Variants in RNF150 observed in about 807,000 individuals in gnomAD.
RNF150 encodes ring finger protein 150.
A neutral mutation model predicts 39.3 loss-of-function variants in RNF150; 24 were observed. The observed-to-expected ratio is 0.61, with a 90% CI of 0.44 to 0.86. RNF150 has a LOEUF of 0.86. Ranked by LOEUF, RNF150 falls within the 40% of genes least tolerant of loss-of-function variation. RNF150 has a pLI of 0.00. For missense variants in RNF150, 502 were observed against 587.8 expected, an observed-to-expected ratio of 0.85 and a Z score of 1.51; for synonymous variants, 255 against 227.3, an observed-to-expected ratio of 1.12 and a Z score of -1.10.
intron 1 of RNF150, among the ~76,000 whole-genome samples, chr4:140,970,162 T>A (rs1419312164): frequency 1.3e-5 from 2 of 152,184 alleles, no homozygotes; most frequent in East Asian, 3.8e-4. Flanking sequence ...CCACCCAAGA[T>A]TATAGAAATA....
upstream of RNF150, among the ~76,000 whole-genome samples, chr4:141,135,822 A>T (rs1221388846): frequency 1.3e-5 from 2 of 152,226 alleles, no homozygotes; most frequent in Non-Finnish European, 2.9e-5. Flanking sequence ...TTTATTGAAG[A>T]GGAACCTGGA....
intron 1 of RNF150, among the ~76,000 whole-genome samples, chr4:141,083,810 G>A (rs1232600554): frequency 6.6e-6 from 1 of 152,086 alleles, no homozygotes; most frequent in Non-Finnish European, 1.5e-5. Flanking sequence ...TCCTTTCTGG[G>A]CATCTATGGA....
intron 1 of RNF150, among the ~76,000 whole-genome samples, chr4:141,120,485 T>G (rs1184597901): frequency 2.0e-5 from 3 of 152,154 alleles, no homozygotes; most frequent in Non-Finnish European, 2.9e-5. Context: ...ATATTTCTCT[T>G]GGAGTACAAG....
rs1560679079 is a variant in RNF150 at position 141,000,026 on chromosome 4, G to GAAAAGAAGAAAAGAAGAA, written c.485-32154_485-32153insTTCTTCTTTTCTTCTTTT. ...AGAAGAAGAAGAAGAAGAAGAAGAAGAAGAAGAAGAAGAAGAAGAAGAAGA... is the reference window on the plus strand; with the variant it reads ...AGAAGAAGAAGAAGAAGAAGAAGAAGAAAAGAAGAAAAGAAGAAAAGAAGAAGAAGAAGAAGAAGAAGA... On this transcript the variant is annotated intron_variant, in intron 1 of 6. Coordinates refer to ENST00000515673, the MANE Select transcript of RNF150 (RefSeq NM_020724.2). 2.8e-4 allele frequency among the ~76,000 whole-genome samples: 9 copies of GAAAAGAAGAAAAGAAGAA among 32,332 alleles called. 1 individual carries two copies. Among genetic ancestry groups the GAAAAGAAGAAAAGAAGAA allele is most frequent in the South Asian group, 1.5e-3 (1 of 652 alleles). The allele number at this position is 32,332 out of a possible 152,430, so 21.2% of individuals were successfully genotyped here. A position where few individuals can be genotyped will look rare whatever the true frequency, so the allele number is the denominator to read the frequency against.
intron 1 of RNF150, among the ~76,000 whole-genome samples, chr4:141,049,772 T>C (rs1379994548): frequency 6.7e-6 from 1 of 148,440 alleles, no homozygotes; most frequent in Non-Finnish European, 1.5e-5. Flanking sequence ...TTAAATTATG[T>C]GATGCTTAAA....
intron 1 of RNF150, among the ~76,000 whole-genome samples, chr4:141,106,350 T>C (rs1347072586): frequency 6.6e-6 from 1 of 152,192 alleles, no homozygotes; most frequent in Non-Finnish European, 1.5e-5. Context: ...AGGTGTTCGA[T>C]TAACAACCAC....
chr4:141,161,918 C>G (rs1220934309), intron 1 of RNF150, among the ~76,000 whole-genome samples: 2 of 152,210 alleles, frequency 1.3e-5, no homozygotes, highest in Non-Finnish European at 2.9e-5. Flanking sequence ...CAGGCAGAAG[C>G]CTGCTTCAGG....
intron 1 of RNF150, among the ~76,000 whole-genome samples, chr4:140,972,980 A>C (rs568123403): frequency 6.6e-6 from 1 of 152,298 alleles, no homozygotes; most frequent in African/African-American, 2.4e-5. Context: ...TTGGATGCTA[A>C]GTCTTGGAAA....
chr4:141,080,761 G>C (rs1327248237), intron 1 of RNF150, among the ~76,000 whole-genome samples: 1 of 152,200 alleles, frequency 6.6e-6, no homozygotes, highest in Non-Finnish European at 1.5e-5. Flanking sequence ...CCTCAAGACA[G>C]AATGACAGTA....
chr4:141,188,487 C>T (rs745856049), intron 1 of RNF150, among the ~76,000 whole-genome samples: 6 of 152,126 alleles, frequency 3.9e-5, no homozygotes, highest in Admixed American at 6.6e-5. Context: ...GGTACACCAA[C>T]CAATCGTAGG....
chr4:141,008,811 AG>A (rs1434214798), intron 1 of RNF150, among the ~76,000 whole-genome samples: 3 of 152,024 alleles, frequency 2.0e-5, no homozygotes, highest in African/African-American at 4.8e-5. Flanking sequence ...CTTTAGTTTA[AG>A]TGTTCATATC....
intron 4 of RNF150, among the ~76,000 whole-genome samples, chr4:140,928,900 A>T (rs980436327): frequency 1.3e-5 from 2 of 151,378 alleles, no homozygotes; most frequent in Admixed American, 1.3e-4. Context: ...TTCTCTGGAG[A>T]CTCCTGACCA....
intron 1 of RNF150, among the ~76,000 whole-genome samples, chr4:141,017,155 C>G (rs1735308236): frequency 6.6e-6 from 1 of 152,092 alleles, no homozygotes; most frequent in African/African-American, 2.4e-5. Context: ...CTCCACATCT[C>G]CACCTGATTG....
intron 1 of RNF150, among the ~76,000 whole-genome samples, chr4:141,187,042 T>C (rs1420715329): frequency 6.6e-6 from 1 of 152,240 alleles, no homozygotes; most frequent in East Asian, 1.9e-4. Flanking sequence ...CCAGAGCTTC[T>C]GGTACATTGT....
At chr4:140,892,210 T>C (rs1729778348) in intron 6 of RNF150, among the ~76,000 whole-genome samples, 1 of 152,198 alleles carries the variant, frequency 6.6e-6, no homozygotes, top group Non-Finnish European at 1.5e-5. Flanking sequence ...GACACCTATA[T>C]AGCAATGTAC....
chr4:141,203,544 G>A (rs961283541), intron 1 of RNF150, among the ~76,000 whole-genome samples: 10 of 151,776 alleles, frequency 6.6e-5, no homozygotes, highest in Admixed American at 2.6e-4. Context: ...AGATAGACAA[G>A]GATTACTTCA....
intron 1 of RNF150, among the ~76,000 whole-genome samples, chr4:141,031,243 T>C (rs954702437): frequency 1.3e-5 from 2 of 151,946 alleles, no homozygotes; most frequent in Non-Finnish European, 2.9e-5. Context: ...TCTCACACCA[T>C]ATACAAAAAT....
intron 1 of RNF150, among the ~76,000 whole-genome samples, chr4:141,180,892 A>C (rs1241469492): frequency 6.6e-6 from 1 of 152,142 alleles, no homozygotes; most frequent in Non-Finnish European, 1.5e-5. Flanking sequence ...ACCAGGTTAC[A>C]GTATTTTTGT....
chr4:141,031,047 C>A (rs1735924977), intron 1 of RNF150, among the ~76,000 whole-genome samples: 1 of 151,752 alleles, frequency 6.6e-6, no homozygotes, highest in African/African-American at 2.4e-5. Context: ...TCTAAGAAAC[C>A]ACCACAGTTA....
Sources: gnomAD v4.1 joint callset for allele counts (sites outside exome capture counted in the v4.1 genomes callset) on GRCh38, gnomAD v4.1.1 for gene constraint, MANE v1.5 for transcripts, NCBI Gene and HGNC (gene_info 2026-07-23, HGNC 2026-07-21) for gene names.